KCTD16: variants seen among roughly 807,000 people sequenced by gnomAD.
KCTD16 encodes potassium channel tetramerization domain containing 16, also known as BTB/POZ domain-containing protein KCTD16.
In KCTD16, 13 loss-of-function variants were observed where a neutral mutation model predicts 33.2. The observed-to-expected ratio is 0.39, with a 90% CI of 0.25 to 0.62. The LOEUF (loss-of-function observed/expected upper bound fraction) is 0.62. Among genes scored for constraint, KCTD16 ranks in the 20% least tolerant of loss-of-function variants. The pLI is 0.50. For synonymous variants in KCTD16, 197 were observed against 195.3 expected (o/e 1.01, Z -0.07); for missense variants, 441 against 525.1 (o/e 0.84, Z 1.57).
At chr5:144,427,256 G>T (rs968554699) in intron 3 of KCTD16, among the ~76,000 whole-genome samples, 1 of 151,912 alleles carries the variant, frequency 6.6e-6, no homozygotes, top group African/African-American at 2.4e-5. Flanking sequence ...TTAAGCGGGG[G>T]GAGGGGGGTG....
Position 144,473,906 on chromosome 5 carries a change from G to A in KCTD16, c.1079G>A (p.Arg360Gln), listed in dbSNP as rs202165401. Reference sequence around the variant, plus strand: ...CAGCTGATCCAACAGTCAGAGATGCGGCGGAAAAGCGACTTACTCCGGACT... The same window carrying A: ...CAGCTGATCCAACAGTCAGAGATGCAGCGGAAAAGCGACTTACTCCGGACT... ...PVQLIQQSEM[R>Q]RKSDLLRTLT... The change falls in exon 4 of 4, where the codon CGG becomes CAG. Residue 360 changes from arginine to glutamine, a missense_variant. Arg to Gln is a conservative substitution (Grantham distance 43). Coordinates refer to ENST00000512467, the MANE Select transcript of KCTD16 (RefSeq NM_020768.4). 8.7e-5 allele frequency: 140 copies of A among 1,613,990 alleles called. No homozygotes were observed. Among genetic ancestry groups the A allele is most frequent in the Admixed American group, 1.5e-4 (9 of 60,006 alleles).
At chr5:144,301,896 T>G (rs1311520597) in intron 3 of KCTD16, among the ~76,000 whole-genome samples, 1 of 152,234 alleles carries the variant, frequency 6.6e-6, no homozygotes, top group South Asian at 2.1e-4. Flanking sequence ...TTCATGTTTA[T>G]TTTATTTTAT....
intron 2 of KCTD16, among the ~76,000 whole-genome samples, chr5:144,200,909 C>G (rs1753032266): frequency 6.6e-6 from 1 of 152,120 alleles, no homozygotes; most frequent in Admixed American, 6.6e-5. Flanking sequence ...GCTAATTTTT[C>G]TATTTCTTAA....
Position 144,178,475 on chromosome 5 carries a change from A to G in KCTD16, c.-327+4003A>G, listed in dbSNP as rs541560425. ...ATGTGAAATCAAATGTCTGATTTTA[A>G]TTAAATTCTGCACACTTAGATCTAG... On this transcript the variant is annotated intron_variant, in intron 2 of 3. Transcript: ENST00000512467. 1.1e-4 allele frequency among the ~76,000 whole-genome samples: 17 copies of G among 152,298 alleles called. No homozygotes were observed. In the East Asian group the frequency reaches 2.1e-3, roughly 19 times the overall value.
chr5:144,304,862 C>T (rs1316792207), intron 3 of KCTD16, among the ~76,000 whole-genome samples: 1 of 152,164 alleles, frequency 6.6e-6, no homozygotes, highest in African/African-American at 2.4e-5. Context: ...TCATTAGCAC[C>T]ACCTTTTGGT....
In KCTD16 at chr5:144,247,942, A is replaced by G. The variant is rs79270304; in HGVS notation, c.832+40396A>G. ...ATGAGCAGGTCCTGGGCTATTTTCC[A>G]TGCTCAGTGACTCTGACGTTAGGAG... On this transcript the variant is annotated intron_variant, in intron 3 of 3. Coordinates refer to ENST00000512467, the MANE Select transcript of KCTD16 (RefSeq NM_020768.4). 4.5e-3 allele frequency among the ~76,000 whole-genome samples: 692 copies of G among 152,234 alleles called. 7 individuals carry two copies. Among genetic ancestry groups the G allele is most frequent in the African/African-American group, 0.016 (669 of 41,544 alleles).
chr5:144,389,940 C>T (rs1251069029), intron 3 of KCTD16, among the ~76,000 whole-genome samples: 3 of 152,152 alleles, frequency 2.0e-5, no homozygotes, highest in Admixed American at 6.5e-5. Flanking sequence ...ATCACAGGAG[C>T]GATGACCTAA....
At chr5:144,231,929 A>T (rs2431070) in intron 3 of KCTD16, among the ~76,000 whole-genome samples, 32,710 of 152,086 alleles carry the variant, frequency 0.22, 4,342 homozygotes, top group Non-Finnish European at 0.3. Context: ...ACACTATCAT[A>T]TTTCATATAT....
At chr5:144,340,783 C>G (rs887141189) in intron 3 of KCTD16, among the ~76,000 whole-genome samples, 14 of 152,130 alleles carry the variant, frequency 9.2e-5, no homozygotes, top group Admixed American at 1.3e-4. Flanking sequence ...GGTGCGGTGG[C>G]TCATGCCTGT....
chr5:144,287,949 CA>C (rs1216989207), intron 3 of KCTD16, among the ~76,000 whole-genome samples: 1 of 152,024 alleles, frequency 6.6e-6, no homozygotes, highest in Non-Finnish European at 1.5e-5. Flanking sequence ...ATTATTAAAA[CA>C]AAAACCTTTA....
intron 3 of KCTD16, among the ~76,000 whole-genome samples, chr5:144,297,420 A>G (rs1283710915): frequency 6.6e-6 from 1 of 152,102 alleles, no homozygotes; most frequent in Non-Finnish European, 1.5e-5. Flanking sequence ...ATCAAGGACA[A>G]CTCTACAAGG....
Position 144,367,271 on chromosome 5 carries a change from T to TGGCCA in KCTD16, c.833-106388_833-106387insGCCAG, listed in dbSNP as rs1310408642. Among the ~76,000 whole-genome samples, 3 of 151,968 alleles carry TGGCCA rather than the reference T, an allele frequency of 2.0e-5. No homozygotes were observed. The East Asian group carries it at 5.8e-4, about 30-fold the overall frequency. ...TGGGGGAAGGGTGGGTGTAGAGCTG[T>TGGCCA]GCAAACAAGCAGGCTGGCCAAGAGC... On this transcript the variant is annotated intron_variant, in intron 3 of 3. Transcript: ENST00000512467.
At chr5:144,352,389 T>A (rs1367966342) in intron 3 of KCTD16, among the ~76,000 whole-genome samples, 1 of 152,130 alleles carries the variant, frequency 6.6e-6, no homozygotes, top group African/African-American at 2.4e-5. Flanking sequence ...TGGCAGAGAA[T>A]GATAACTGAA....
chr5:144,295,501 G>A (rs889604657), intron 3 of KCTD16, among the ~76,000 whole-genome samples: 1 of 152,162 alleles, frequency 6.6e-6, no homozygotes, highest in African/African-American at 2.4e-5. Flanking sequence ...GGTTTCTGGA[G>A]GGTAAATTAC....
At chr5:144,245,790 G>T (rs1384683679) in intron 3 of KCTD16, among the ~76,000 whole-genome samples, 1 of 152,146 alleles carries the variant, frequency 6.6e-6, no homozygotes, top group Non-Finnish European at 1.5e-5. Flanking sequence ...CACGTGAAGT[G>T]CTGGCTCCCC....
At chr5:144,291,695 C>T (rs974645358) in intron 3 of KCTD16, among the ~76,000 whole-genome samples, 15 of 152,086 alleles carry the variant, frequency 9.9e-5, no homozygotes, top group South Asian at 2.1e-4. Flanking sequence ...AATCATTAAA[C>T]CAGGGACTAG....
At chr5:144,459,757 T>A (rs992100615) in intron 3 of KCTD16, among the ~76,000 whole-genome samples, 6 of 151,812 alleles carry the variant, frequency 4.0e-5, no homozygotes, top group African/African-American at 1.5e-4. Flanking sequence ...GGTTAAAAAT[T>A]ATAACTCCTA....
At chr5:144,295,065 A>T (rs1485136780) in intron 3 of KCTD16, among the ~76,000 whole-genome samples, 4 of 152,186 alleles carry the variant, frequency 2.6e-5, no homozygotes, top group Non-Finnish European at 5.9e-5. Flanking sequence ...CTTTGACTTG[A>T]TGGCGCTAAC....
At chr5:144,361,061 G>C (rs866338448) in intron 3 of KCTD16, among the ~76,000 whole-genome samples, 1,895 of 71,398 alleles carry the variant, frequency 0.027, 56 homozygotes, top group African/African-American at 0.099. Flanking sequence ...CCCCTCCCCC[G>C]ACCCCACAAC....
Sources: gnomAD v4.1 joint callset for allele counts (sites outside exome capture counted in the v4.1 genomes callset) on GRCh38, gnomAD v4.1.1 for gene constraint, MANE v1.5 for transcripts, NCBI Gene and HGNC (gene_info 2026-07-23, HGNC 2026-07-21) for gene names.